Variants in RDX observed in about 807,000 individuals in gnomAD.
The protein encoded by RDX is deafness, autosomal recessive 24.
In RDX, 32 loss-of-function variants were observed where a neutral mutation model predicts 83.7. That is an observed-to-expected ratio of 0.38 (90% CI 0.29 to 0.51). RDX has a LOEUF of 0.51. RDX is among the 20% of genes least tolerant of loss of function. The pLI, the probability that RDX is intolerant of heterozygous loss-of-function variation, is 0.87. For missense variants in RDX, 600 were observed against 689.9 expected, an observed-to-expected ratio of 0.87 and a Z score of 1.46; for synonymous variants, 229 against 222.7, an observed-to-expected ratio of 1.03 and a Z score of -0.25.
intron 3 of RDX, among the ~76,000 whole-genome samples, chr11:110,268,845 G>T (rs1224288080): frequency 1.3e-5 from 2 of 151,510 alleles, no homozygotes; most frequent in Non-Finnish European, 2.9e-5. Context: ...CATACTTTTA[G>T]AAGTGAATCT....
At chr11:110,293,765 A>C (rs1025219541) in intron 1 of RDX, among the ~76,000 whole-genome samples, 1 of 152,174 alleles carries the variant, frequency 6.6e-6, no homozygotes, top group African/African-American at 2.4e-5. Flanking sequence ...CGATGCACAG[A>C]AGTAACACGA....
chr11:110,279,226 T>C (rs1266303906), intron 2 of RDX, among the ~76,000 whole-genome samples: 1 of 152,202 alleles, frequency 6.6e-6, no homozygotes, highest in Admixed American at 6.5e-5. Context: ...ATTGGACAGA[T>C]TGAGCTAAAT....
intron 1 of RDX, among the ~76,000 whole-genome samples, chr11:110,286,277 A>T (rs1232060429): frequency 1.3e-5 from 2 of 152,210 alleles, no homozygotes; most frequent in African/African-American, 2.4e-5. Flanking sequence ...AGTCGTCTGG[A>T]GAGATGCTGC....
At chr11:110,251,022 T>C (rs1201948963) in intron 9 of RDX, among the ~76,000 whole-genome samples, 1 of 152,208 alleles carries the variant, frequency 6.6e-6, no homozygotes, top group Non-Finnish European at 1.5e-5. Context: ...CACATATTTT[T>C]ATCTCTACAT....
rs1438467077 is a variant in RDX, at chr11:110,231,758, C to G, written c.*111G>C. 1 of 1,170,914 alleles carries G rather than the reference C, an allele frequency of 8.5e-7. No individual in the cohort carries two copies. Among genetic ancestry groups the G allele is most frequent in the African/African-American group, 1.5e-5 (1 of 66,388 alleles). 72.5% of individuals were successfully genotyped at this position (1,170,914 alleles called of 1,614,324 possible). A position where few individuals can be genotyped will look rare whatever the true frequency, so the allele number is the denominator to read the frequency against. ...TTGTCTTTTAGCTAGCACAGTCAAACTGGTGTAAGTGCTTTGGCAAGGTGG... is the reference window on the plus strand; with the variant it reads ...TTGTCTTTTAGCTAGCACAGTCAAAGTGGTGTAAGTGCTTTGGCAAGGTGG... On this transcript the variant is annotated 3_prime_UTR_variant, in exon 14 of 14. Coordinates refer to ENST00000645495, the MANE Select transcript of RDX (RefSeq NM_002906.4).
rs983126821 is a variant in RDX at position 110,231,259 on chromosome 11, A to G, written c.*610T>C. 4 of 152,950 alleles carry G rather than the reference A, an allele frequency of 2.6e-5. No individual in the cohort carries two copies. The highest frequency in any genetic ancestry group is 4.8e-5 in the African/African-American group (2 of 41,462). The allele number at this position is 152,950 out of a possible 1,614,324, so 9.5% of individuals were successfully genotyped here. ...AGGTAATTAAATTTAGATTAAAAAA[A>G]AACTAAGCACCAGCTGTACATACAT... is the stretch of plus-strand genomic sequence containing the variant. On this transcript the variant is annotated 3_prime_UTR_variant, in exon 14 of 14. Coordinates refer to ENST00000645495, the MANE Select transcript of RDX (RefSeq NM_002906.4).
At chr11:110,193,933 T>G (rs1591502194) in intron 15 of RDX, among the ~76,000 whole-genome samples, 1 of 152,366 alleles carries the variant, frequency 6.6e-6, no homozygotes, top group South Asian at 2.1e-4. Flanking sequence ...CCATACATTT[T>G]ATAATAACGT....
chr11:110,283,261 C>A (rs969042458), intron 1 of RDX, among the ~76,000 whole-genome samples: 1 of 152,062 alleles, frequency 6.6e-6, no homozygotes, highest in Non-Finnish European at 1.5e-5. Flanking sequence ...TCAAGCGATT[C>A]TCCTGCCTCA....
intron 15 of RDX, among the ~76,000 whole-genome samples, chr11:110,180,851 T>C (rs1862872996): frequency 6.6e-6 from 1 of 151,996 alleles, no homozygotes; most frequent in Non-Finnish European, 1.5e-5. Flanking sequence ...TCCTGATATT[T>C]AGAAAATCGG....
chr11:110,193,633 C>A (rs1247473230), intron 15 of RDX, among the ~76,000 whole-genome samples: 1 of 152,192 alleles, frequency 6.6e-6, no homozygotes, highest in African/African-American at 2.4e-5. Flanking sequence ...ACTCCTTTCC[C>A]TCTTCCAAAG....
At chr11:110,219,854 G>C (rs1397067219) in intron 14 of RDX, among the ~76,000 whole-genome samples, 1 of 152,152 alleles carries the variant, frequency 6.6e-6, no homozygotes, top group South Asian at 2.1e-4. Flanking sequence ...GGAGAATTTG[G>C]TTAGAGATTT....
chr11:110,286,909 A>T (rs921464945), intron 1 of RDX: 3 of 152,268 alleles, frequency 2.0e-5, no homozygotes, highest in Admixed American at 2.0e-4. Context: ...AAGTATTTTT[A>T]AATGCATAAA....
intron 1 of RDX, among the ~76,000 whole-genome samples, chr11:110,281,534 C>G (rs1860760878): frequency 6.6e-6 from 1 of 152,130 alleles, no homozygotes; most frequent in Non-Finnish European, 1.5e-5. Context: ...ATCATGTTGG[C>G]CAGGCTGGTC....
chr11:110,202,422 T>A (rs1444945954), intron 14 of RDX, among the ~76,000 whole-genome samples: 1 of 151,826 alleles, frequency 6.6e-6, no homozygotes, highest in East Asian at 1.9e-4. Flanking sequence ...GTTTAGTATA[T>A]TAACATTTTT....
chr11:110,177,091 G>A lies in RDX; in HGVS notation c.*32-1857C>T, dbSNP rs114412816. 3.5e-3 allele frequency among the ~76,000 whole-genome samples: 537 copies of A among 152,344 alleles called. 4 individuals carry two copies. The highest frequency in any genetic ancestry group is 0.012 in the African/African-American group (518 of 41,580). On this transcript the variant is annotated intron_variant, in intron 15 of 15. Transcript: ENST00000528498. ...AAAGAAACACATTTCCAGAGACATC[G>A]GTTCTGTCAAGCTGTAAAGCAAAAT...
At chr11:110,188,154 C>T (rs1250749244) in intron 15 of RDX, among the ~76,000 whole-genome samples, 1 of 152,008 alleles carries the variant, frequency 6.6e-6, no homozygotes, top group Non-Finnish European at 1.5e-5. Context: ...ATTAACCAGG[C>T]ATGGTGGTGC....
chr11:110,220,696 C>A (rs1864213439), intron 14 of RDX, among the ~76,000 whole-genome samples: 1 of 152,016 alleles, frequency 6.6e-6, no homozygotes, highest in African/African-American at 2.4e-5. Context: ...CAGGGTTCCA[C>A]CATGTTGGCC....
At chr11:110,177,191 G>GACAGGA in intron 15 of RDX, among the ~76,000 whole-genome samples, 2 of 152,368 alleles carry the variant, frequency 1.3e-5, no homozygotes, top group South Asian at 4.1e-4. Context: ...TCCACCCGGG[G>GACAGGA]ACAGGAACGG....
At chr11:110,227,592 G>T (rs996602442), downstream of RDX, among the ~76,000 whole-genome samples, 4 of 152,076 alleles carry the variant, frequency 2.6e-5, no homozygotes, top group African/African-American at 9.7e-5. Flanking sequence ...CATTTTAAAA[G>T]AAATGATATT....
Sources: allele counts gnomAD v4.1 joint callset (sites outside exome capture counted in the v4.1 genomes callset), GRCh38; gene constraint gnomAD v4.1.1; transcripts MANE v1.5; gene names NCBI Gene and HGNC (gene_info 2026-07-23, HGNC 2026-07-21).